The following LRRC4C variants were observed in gnomAD, a reference collection of about 807,000 sequenced individuals.
The protein encoded by LRRC4C is leucine rich repeat containing 4C.
Under a neutral mutation model 33.6 loss-of-function variants are expected in LRRC4C, and 5 were observed. That is an observed-to-expected ratio of 0.15 (90% CI 0.08 to 0.31). The LOEUF (loss-of-function observed/expected upper bound fraction) is 0.31, where lower values mean the gene tolerates loss of function less well. LRRC4C is among the 10% of genes least tolerant of loss of function. The pLI, the probability that LRRC4C is intolerant of heterozygous loss-of-function variation, is 1.00. For missense variants in LRRC4C, 560 were observed against 796.7 expected, an observed-to-expected ratio of 0.70 and a Z score of 3.58; for synonymous variants, 329 against 302.0, an observed-to-expected ratio of 1.09 and a Z score of -0.93.
rs553323837 is a variant in LRRC4C at position 40,143,433 on chromosome 11, C to A, written c.-95-2580G>T. Among the ~76,000 whole-genome samples, 12 of 152,210 alleles carry A rather than the reference C, an allele frequency of 7.9e-5. No homozygotes were observed. In the South Asian group the frequency reaches 2.5e-3, roughly 32 times the overall value. On this transcript the variant is annotated intron_variant, in intron 5 of 6. Transcript: ENST00000528697. ...TTTGATCTCATTTTCCTACAACAAT[C>A]GTTCATATTCACTCTGCTCTGACTA...
At chr11:41,090,261 G>A (rs1196423471) in intron 1 of LRRC4C, among the ~76,000 whole-genome samples, 2 of 151,762 alleles carry the variant, frequency 1.3e-5, no homozygotes, top group Non-Finnish European at 2.9e-5. Flanking sequence ...ACAGAGAGAG[G>A]GAGTAATGAA....
At chr11:40,556,335 T>C (rs1393565865) in intron 3 of LRRC4C, among the ~76,000 whole-genome samples, 5 of 152,192 alleles carry the variant, frequency 3.3e-5, no homozygotes, top group Admixed American at 6.5e-5. Context: ...TTATGATAAA[T>C]CTGAAGCCAG....
chr11:40,534,150 T>C (rs573873673), intron 3 of LRRC4C, among the ~76,000 whole-genome samples: 3 of 152,126 alleles, frequency 2.0e-5, no homozygotes, highest in Non-Finnish European at 4.4e-5. Context: ...TTATAGTGTT[T>C]ACTGCTCAGA....
At chr11:41,173,583 T>C (rs1019090563) in intron 1 of LRRC4C, among the ~76,000 whole-genome samples, 1 of 152,152 alleles carries the variant, frequency 6.6e-6, no homozygotes, top group East Asian at 1.9e-4. Flanking sequence ...AGGTAGCTCA[T>C]ACTTATCCTT....
chr11:41,084,916 T>C (rs760149918), intron 1 of LRRC4C, among the ~76,000 whole-genome samples: 1 of 152,178 alleles, frequency 6.6e-6, no homozygotes, highest in Non-Finnish European at 1.5e-5. Context: ...ATTTAAGTGG[T>C]TGAAACTCAA....
At chr11:41,154,520 GAATT>G (rs1373488667) in intron 1 of LRRC4C, among the ~76,000 whole-genome samples, 1 of 152,042 alleles carries the variant, frequency 6.6e-6, no homozygotes, top group Non-Finnish European at 1.5e-5. Context: ...AATATTTGGT[GAATT>G]AAATTAAATT....
At chr11:40,192,636 A>C (rs1333534182) in intron 5 of LRRC4C, among the ~76,000 whole-genome samples, 2 of 152,120 alleles carry the variant, frequency 1.3e-5, no homozygotes, top group Non-Finnish European at 2.9e-5. Flanking sequence ...GGCTGAAGCC[A>C]GGGAGCCAGA....
At chr11:41,210,268 T>C (rs1379744987) in intron 1 of LRRC4C, among the ~76,000 whole-genome samples, 4 of 152,168 alleles carry the variant, frequency 2.6e-5, no homozygotes, top group Non-Finnish European at 4.4e-5. Context: ...CTCTCATAAT[T>C]CCCACATGTT....
Position 40,713,263 on chromosome 11 carries a change from A to G in LRRC4C, c.-406-64985T>C, listed in dbSNP as rs181406984. 5.3e-3 allele frequency among the ~76,000 whole-genome samples: 809 copies of G among 152,186 alleles called. 9 individuals carry two copies. The highest frequency in any genetic ancestry group is 5.2e-3 in the Non-Finnish European group (356 of 67,996). On this transcript the variant is annotated intron_variant, in intron 2 of 6. Coordinates refer to ENST00000528697, the MANE Select transcript of LRRC4C (RefSeq NM_001258419.2). The stretch of plus-strand genomic sequence containing the variant: ...TTGTAGAGGGCAGACTAAGTTCCTA[A>G]CTAGATGACTCTTAAGCAATATTTG...
chr11:40,795,958 T>C (rs1232688806), intron 2 of LRRC4C, among the ~76,000 whole-genome samples: 3 of 152,102 alleles, frequency 2.0e-5, no homozygotes, highest in Non-Finnish European at 2.9e-5. Context: ...GAGGGAAAAA[T>C]GTGTTCTTAG....
chr11:40,815,111 G>A (rs1418997311), intron 2 of LRRC4C, among the ~76,000 whole-genome samples: 1 of 152,134 alleles, frequency 6.6e-6, no homozygotes, highest in Non-Finnish European at 1.5e-5. Context: ...ACAAGACTTG[G>A]TAATTTATAA....
chr11:40,144,319 C>A (rs1857571728), intron 5 of LRRC4C, among the ~76,000 whole-genome samples: 1 of 152,132 alleles, frequency 6.6e-6, no homozygotes, highest in African/African-American at 2.4e-5. Flanking sequence ...ACATAACTAT[C>A]CATCTGCTAC....
chr11:41,055,053 A>G (rs984512815), intron 1 of LRRC4C, among the ~76,000 whole-genome samples: 12 of 152,208 alleles, frequency 7.9e-5, no homozygotes, highest in African/African-American at 2.9e-4. Flanking sequence ...GAAATAGAAA[A>G]ATACCAGAAC....
chr11:41,097,287 G>C (rs1940869242), intron 1 of LRRC4C, among the ~76,000 whole-genome samples: 1 of 152,166 alleles, frequency 6.6e-6, no homozygotes, highest in South Asian at 2.1e-4. Context: ...AGGAGAATTT[G>C]GTTAGGGATT....
chr11:40,257,112 C>A (rs755532363), intron 4 of LRRC4C, among the ~76,000 whole-genome samples: 3 of 152,052 alleles, frequency 2.0e-5, no homozygotes, highest in Non-Finnish European at 4.4e-5. Flanking sequence ...AATAAGTTGA[C>A]CCCTTGCCAA....
intron 3 of LRRC4C, among the ~76,000 whole-genome samples, chr11:40,330,070 C>T (rs1946290374): frequency 6.6e-6 from 1 of 152,090 alleles, no homozygotes; most frequent in African/African-American, 2.4e-5. Context: ...GGTACAGTGT[C>T]ATTCTCAGAA....
At chr11:40,764,922 C>T (rs925411336) in intron 2 of LRRC4C, among the ~76,000 whole-genome samples, 3 of 152,068 alleles carry the variant, frequency 2.0e-5, no homozygotes, top group Non-Finnish European at 4.4e-5. Flanking sequence ...GTGACCATAG[C>T]CTTAGGTCAC....
At chr11:40,229,283 A>T (rs7925167) in intron 5 of LRRC4C, among the ~76,000 whole-genome samples, 93,953 of 151,672 alleles carry the variant, frequency 0.62, 33,417 homozygotes, top group East Asian at 0.95. Context: ...ATATATATAT[A>T]TTTTTTTGAG....
chr11:40,426,468 A>G (rs1950720777), intron 3 of LRRC4C, among the ~76,000 whole-genome samples: 1 of 151,946 alleles, frequency 6.6e-6, no homozygotes, highest in Admixed American at 6.6e-5. Flanking sequence ...AGACATGCAT[A>G]GCTATCTCCC....
Sources: gnomAD v4.1 joint callset for allele counts (sites outside exome capture counted in the v4.1 genomes callset) on GRCh38, gnomAD v4.1.1 for gene constraint, MANE v1.5 for transcripts, NCBI Gene and HGNC (gene_info 2026-07-23, HGNC 2026-07-21) for gene names.